The following EDA variants were observed in gnomAD, a reference collection of about 807,000 sequenced individuals.
EDA encodes ectodysplasin A, also known as ectodysplasin-A.
A neutral mutation model predicts 23.6 loss-of-function variants in EDA; 2 were observed. The ratio of observed to expected loss-of-function variants is 0.08; its 90% CI spans 0.03 to 0.27. The LOEUF (loss-of-function observed/expected upper bound fraction) is 0.27, where lower values mean the gene tolerates loss of function less well. Ranked by LOEUF, EDA falls within the 10% of genes least tolerant of loss-of-function variation. EDA has a pLI of 1.00. For missense variants in EDA, 229 were observed against 324.2 expected (o/e 0.71, Z 2.26); for synonymous variants, 131 against 132.0 (o/e 0.99, Z 0.05).
chrX:69,862,369 G>A (rs1266720552), intron 1 of EDA, among the ~76,000 whole-genome samples: 1 of 111,929 alleles, frequency 8.9e-6, no homozygotes, highest in African/African-American at 3.2e-5. Flanking sequence ...TAGAAGCAAG[G>A]CATTAAGTCC....
At position 69,660,629 on chromosome X, in the gene EDA, A is replaced by T. The variant is rs376069345; in HGVS notation, c.396+43925A>T. On this transcript the variant is annotated intron_variant, in intron 1 of 7. Transcript: ENST00000374552. The stretch of plus-strand genomic sequence containing the variant: ...TCATTGCGATAGTTTGCTGAGAATG[A>T]TGGTTTCCAGCTTCATCCATGTCCC... Among the ~76,000 whole-genome samples the T allele has an allele frequency of 2.7e-5, 3 of 110,576 alleles. No homozygotes were observed. In the South Asian group the frequency reaches 1.2e-3, roughly 43 times the overall value.
chrX:69,788,311 C>T (rs1351156407), intron 1 of EDA, among the ~76,000 whole-genome samples: 2 of 112,776 alleles, frequency 1.8e-5, no homozygotes, highest in Non-Finnish European at 3.7e-5. Flanking sequence ...CCTTCTCCGT[C>T]CAGCTTTGTT....
intron 1 of EDA, among the ~76,000 whole-genome samples, chrX:69,760,518 C>T (rs1262155497): frequency 8.9e-6 from 1 of 111,888 alleles, no homozygotes; most frequent in East Asian, 2.8e-4. Context: ...TGTTATCCAG[C>T]CTCTTTTTCA....
chrX:69,656,335 C>T (rs1933320987), intron 1 of EDA, among the ~76,000 whole-genome samples: 1 of 111,537 alleles, frequency 9.0e-6, no homozygotes, highest in African/African-American at 3.3e-5. Context: ...ACCATCAACT[C>T]CTTTTCTCTC....
intron 2 of EDA, among the ~76,000 whole-genome samples, chrX:69,966,678 A>G: frequency 9.0e-6 from 1 of 110,597 alleles, no homozygotes; most frequent in East Asian, 2.8e-4. Context: ...TCTAATATCT[A>G]TGAATAAGAA....
At chrX:69,955,585 A>G (rs2018988321) in intron 1 of EDA, among the ~76,000 whole-genome samples, 1 of 111,447 alleles carries the variant, frequency 9.0e-6, no homozygotes, top group Non-Finnish European at 1.9e-5. Context: ...TATTTTTTGA[A>G]CTGATAATAG....
chrX:69,670,748 A>T (rs1933862853), intron 1 of EDA, among the ~76,000 whole-genome samples: 1 of 109,036 alleles, frequency 9.2e-6, no homozygotes. Context: ...CAGCTCCAGG[A>T]TTTATTTTTG....
chrX:69,898,295 G>C (rs940444662), intron 1 of EDA, among the ~76,000 whole-genome samples: 2 of 111,909 alleles, frequency 1.8e-5, no homozygotes, highest in African/African-American at 6.5e-5. Context: ...ATTTGAGGTT[G>C]GGCATGGTGG....
At chrX:69,784,931 A>T (rs983791505) in intron 1 of EDA, among the ~76,000 whole-genome samples, 1 of 111,194 alleles carries the variant, frequency 9.0e-6, no homozygotes, top group African/African-American at 3.3e-5. Flanking sequence ...TGAGCATGGA[A>T]TGTTCTTCCA....
chrX:69,978,619 T>A (rs1464030769), intron 2 of EDA, among the ~76,000 whole-genome samples: 1 of 111,246 alleles, frequency 9.0e-6, no homozygotes, highest in Non-Finnish European at 1.9e-5. Context: ...TTCTCAGACT[T>A]GTGCAATCAT....
In EDA at chrX:69,880,738, T is replaced by C. The variant is rs180770356; in HGVS notation, c.397-76289T>C. Among the ~76,000 whole-genome samples the C allele has an allele frequency of 2.6e-3, 292 of 112,239 alleles. 1 individual carries two copies. Among genetic ancestry groups the C allele is most frequent in the Admixed American group, 3.5e-3 (37 of 10,608 alleles). The stretch of plus-strand genomic sequence containing the variant: ...AGTTACTGGGCTTTACCTGTTCCCA[T>C]TGGGCCTTGGTTAGGGAATATCACT... On this transcript the variant is annotated intron_variant, in intron 1 of 7. Transcript: ENST00000374552.
At chrX:69,769,385 T>C (rs1004294461) in intron 1 of EDA, among the ~76,000 whole-genome samples, 3 of 111,737 alleles carry the variant, frequency 2.7e-5, no homozygotes, top group African/African-American at 9.7e-5. Context: ...TCTTTAACTT[T>C]TAACCCATTT....
chrX:69,692,549 T>G (rs144433469), intron 1 of EDA, among the ~76,000 whole-genome samples: 66 of 111,996 alleles, frequency 5.9e-4, no homozygotes, highest in Non-Finnish European at 1.1e-3. Flanking sequence ...CTTGACGGAA[T>G]TATTAAACAT....
chrX:70,009,386 CTAATA>C (rs2019844148), intron 2 of EDA, among the ~76,000 whole-genome samples: 1 of 111,913 alleles, frequency 8.9e-6, no homozygotes, highest in South Asian at 3.7e-4. Context: ...TTCTCCTATT[CTAATA>C]TATGTATCCA....
chrX:69,753,300 G>T (rs1439604745), intron 1 of EDA, among the ~76,000 whole-genome samples: 1 of 111,954 alleles, frequency 8.9e-6, no homozygotes, highest in African/African-American at 3.3e-5. Flanking sequence ...TGGTTTCAAA[G>T]AACATCTTTA....
chrX:70,020,421 T>C (rs1045032138), intron 2 of EDA, among the ~76,000 whole-genome samples: 23 of 110,136 alleles, frequency 2.1e-4, no homozygotes, highest in Non-Finnish European at 4.2e-4. Context: ...TAGCCGGGCG[T>C]GGTGGCGGGT....
At chrX:69,922,646 T>C (rs1338471161) in intron 1 of EDA, among the ~76,000 whole-genome samples, 1 of 112,252 alleles carries the variant, frequency 8.9e-6, no homozygotes, top group Non-Finnish European at 1.9e-5. Flanking sequence ...GAGGGAACAA[T>C]GCTTTCAAAG....
At chrX:69,668,648 C>G (rs147545375) in intron 1 of EDA, among the ~76,000 whole-genome samples, 4,052 of 111,173 alleles carry the variant, frequency 0.036, 94 homozygotes, top group Non-Finnish European at 0.055. Flanking sequence ...GTGATCTTGG[C>G]TCACTGCAAC....
intron 1 of EDA, among the ~76,000 whole-genome samples, chrX:69,689,578 A>G (rs1934647599): frequency 9.1e-6 from 1 of 109,987 alleles, no homozygotes; most frequent in Non-Finnish European, 1.9e-5. Flanking sequence ...CTCATGATCC[A>G]CCCACCTCGG....
Sources: gnomAD v4.1 joint callset for allele counts (sites outside exome capture counted in the v4.1 genomes callset) on GRCh38, gnomAD v4.1.1 for gene constraint, MANE v1.5 for transcripts, NCBI Gene and HGNC (gene_info 2026-07-23, HGNC 2026-07-21) for gene names.